The following TACR3 variants were observed in gnomAD, a reference collection of about 807,000 sequenced individuals.
TACR3 encodes neuromedin-K receptor.
A neutral mutation model predicts 35.0 loss-of-function variants in TACR3; 34 were observed. The ratio of observed to expected loss-of-function variants is 0.97; its 90% CI spans 0.74 to 1.30. TACR3 has a LOEUF of 1.30. TACR3 is among the 50% of genes most tolerant of loss of function. TACR3 has a pLI of 0.00. For missense variants in TACR3, 558 were observed against 591.7 expected (o/e 0.94, Z 0.59); for synonymous variants, 233 against 221.1 (o/e 1.05, Z -0.48).
intron 3 of TACR3, among the ~76,000 whole-genome samples, chr4:103,629,872 C>A (rs141869148): frequency 0.067 from 6,860 of 102,750 alleles, 330 homozygotes; most frequent in Middle Eastern, 0.14. Flanking sequence ...AAAAAAAAAA[C>A]AAAAAAAACA....
At chr4:103,678,112 T>G (rs1460181212) in intron 1 of TACR3, among the ~76,000 whole-genome samples, 1 of 152,188 alleles carries the variant, frequency 6.6e-6, no homozygotes, top group African/African-American at 2.4e-5. Flanking sequence ...TCTGTGCAAC[T>G]TGAATAATGG....
At chr4:103,641,485 A>C (rs180830927) in intron 3 of TACR3, among the ~76,000 whole-genome samples, 1 of 152,102 alleles carries the variant, frequency 6.6e-6, no homozygotes, top group Admixed American at 6.6e-5. Flanking sequence ...GTTGGCAAGA[A>C]TGTGGAGAAA....
At position 103,656,206 on chromosome 4, in the gene TACR3, C is replaced by G. The variant is rs267599974; in HGVS notation, c.876G>C (p.Lys292Asn). The G allele has an allele frequency of 6.2e-7, 1 of 1,612,882 alleles. No homozygotes were observed. The part of the protein sequence containing the change: ...DTCDKYHEQL[K>N]AKRKVVKMMI... ...CATGGACCAGTACCTTTCTTTTGGC[C>G]TTTAGCTGCTCATGATACTTGTCAC... The change falls in exon 3 of 5, where the codon AAG (lysine) becomes AAC (asparagine). Residue 292 changes from lysine (K) to asparagine (N), a missense_variant. Transcript: ENST00000304883.
rs1225350683 is a variant in TACR3 at position 103,638,514 on chromosome 4, C to G, written c.888+17680G>C. On this transcript the variant is annotated intron_variant, in intron 3 of 4. Coordinates refer to ENST00000304883, the MANE Select transcript of TACR3 (RefSeq NM_001059.3). ...AGAAGAAAACCTAGGCGATACCATT[C>G]AGGACATAGGCATGGGCAAGGACTT... is the stretch of plus-strand genomic sequence containing the variant. Among the ~76,000 whole-genome samples, 5 of 152,090 alleles carry G rather than the reference C, an allele frequency of 3.3e-5. No homozygotes were observed. In the Middle Eastern group the frequency reaches 0.014, roughly 414 times the overall value.
chr4:103,635,389 G>A (rs977125167), intron 3 of TACR3, among the ~76,000 whole-genome samples: 1 of 151,892 alleles, frequency 6.6e-6, no homozygotes, highest in African/African-American at 2.4e-5. Flanking sequence ...CATTTTTGAG[G>A]GGAGAGGTCT....
intron 3 of TACR3, among the ~76,000 whole-genome samples, chr4:103,601,748 G>C (rs1231805946): frequency 6.6e-6 from 1 of 152,212 alleles, no homozygotes; most frequent in African/African-American, 2.4e-5. Context: ...TTTCTGCTGA[G>C]AGATCAGGTG....
intron 1 of TACR3, among the ~76,000 whole-genome samples, chr4:103,666,886 T>C (rs1031543722): frequency 2.0e-5 from 3 of 152,176 alleles, no homozygotes; most frequent in Non-Finnish European, 4.4e-5. Context: ...CTATATTGTC[T>C]CAAAAACCAC....
At chr4:103,628,150 G>A (rs1318163928) in intron 3 of TACR3, among the ~76,000 whole-genome samples, 4 of 152,166 alleles carry the variant, frequency 2.6e-5, no homozygotes, top group African/African-American at 4.8e-5. Flanking sequence ...GAAGCAGTGT[G>A]TAGAGGGAAA....
intron 3 of TACR3, among the ~76,000 whole-genome samples, chr4:103,602,355 T>G (rs1724226946): frequency 6.6e-6 from 1 of 152,166 alleles, no homozygotes; most frequent in Non-Finnish European, 1.5e-5. Context: ...TTGGAGTAGT[T>G]TGATTGTCTG....
At chr4:103,666,322 AGAAG>A (rs924737507) in intron 1 of TACR3, among the ~76,000 whole-genome samples, 3 of 152,146 alleles carry the variant, frequency 2.0e-5, no homozygotes, top group Admixed American at 6.6e-5. Context: ...TGGGAATGAG[AGAAG>A]GAAGTTGAAC....
rs1450343178 is a variant in TACR3 at position 103,719,200 on chromosome 4, C to T, written c.476G>A (p.Arg159His). 3 of 1,614,150 alleles carry T rather than the reference C, an allele frequency of 1.9e-6. No homozygotes were observed. Among genetic ancestry groups the T allele is most frequent in the Non-Finnish European group, 2.5e-6 (3 of 1,180,040 alleles). Residue 159 changes from arginine (R) to histidine (H), a missense_variant, in exon 1 of 5, where the codon CGC (arginine) becomes CAC (histidine). Coordinates refer to ENST00000304883, the MANE Select transcript of TACR3 (RefSeq NM_001059.3). ...TGTGATAGGAAAGAAGTTCTGGAAGCGGCAGTAGTTGGCGCCAAAGTACCA... is the reference window on the plus strand; with the variant it reads ...TGTGATAGGAAAGAAGTTCTGGAAGTGGCAGTAGTTGGCGCCAAAGTACCA... Reference protein sequence around the residue: ...SEWYFGANYCRFQNFFPITAV... With the variant: ...SEWYFGANYCHFQNFFPITAV...
At chr4:103,690,478 A>G (rs1170650746) in intron 1 of TACR3, among the ~76,000 whole-genome samples, 1 of 152,150 alleles carries the variant, frequency 6.6e-6, no homozygotes, top group African/African-American at 2.4e-5. Flanking sequence ...GAGACCTTCA[A>G]TATACGTCAA....
At chr4:103,634,005 G>T (rs533104964) in intron 3 of TACR3, among the ~76,000 whole-genome samples, 17 of 152,176 alleles carry the variant, frequency 1.1e-4, no homozygotes, top group East Asian at 3.9e-4. Flanking sequence ...CTCACAAAAG[G>T]TCGGAAGCTA....
intron 1 of TACR3, among the ~76,000 whole-genome samples, chr4:103,700,346 T>C (rs1722621893): frequency 6.6e-6 from 1 of 152,186 alleles, no homozygotes. Context: ...ATAGACATAC[T>C]TTCCCTTACT....
At chr4:103,662,272 G>A (rs1336375095) in intron 1 of TACR3, among the ~76,000 whole-genome samples, 1 of 145,264 alleles carries the variant, frequency 6.9e-6, no homozygotes, top group Non-Finnish European at 1.5e-5. Flanking sequence ...CAGGCCGTAA[G>A]TGCAGTGGCA....
chr4:103,673,094 A>T (rs1288663933), intron 1 of TACR3, among the ~76,000 whole-genome samples: 1 of 152,184 alleles, frequency 6.6e-6, no homozygotes, highest in Admixed American at 6.5e-5. Context: ...CTTTGGCTTA[A>T]GGAAATGTTG....
intron 1 of TACR3, among the ~76,000 whole-genome samples, chr4:103,686,592 A>T (rs777692033): frequency 6.6e-6 from 1 of 152,212 alleles, no homozygotes; most frequent in Non-Finnish European, 1.5e-5. Context: ...GTTACATTCA[A>T]TTATATAAAA....
intron 3 of TACR3, among the ~76,000 whole-genome samples, chr4:103,596,122 T>G (rs947387771): frequency 1.3e-5 from 2 of 148,406 alleles, no homozygotes; most frequent in African/African-American, 5.0e-5. Flanking sequence ...GGTGTATATG[T>G]GTCACGTTTT....
chr4:103,624,704 A>G (rs2110306305), intron 3 of TACR3, among the ~76,000 whole-genome samples: 1 of 152,306 alleles, frequency 6.6e-6, no homozygotes, highest in African/African-American at 2.4e-5. Flanking sequence ...GAAATAAAGC[A>G]TTTGTGTAAC....
Sources: allele counts gnomAD v4.1 joint callset (sites outside exome capture counted in the v4.1 genomes callset), GRCh38; gene constraint gnomAD v4.1.1; transcripts MANE v1.5; gene names NCBI Gene and HGNC (gene_info 2026-07-23, HGNC 2026-07-21).